RARB: variants seen among roughly 807,000 people sequenced by gnomAD.
RARB encodes retinoic acid receptor beta, also known as HBV-activated protein.
Under a neutral mutation model 51.9 loss-of-function variants are expected in RARB, and 17 were observed. The observed-to-expected ratio is 0.33, with a 90% CI of 0.22 to 0.49. RARB has a LOEUF of 0.49. RARB is among the 20% of genes least tolerant of loss of function. The pLI is 0.99. For synonymous variants in RARB, 215 were observed against 195.4 expected, an observed-to-expected ratio of 1.10 and a Z score of -0.84; for missense variants, 369 against 550.8, an observed-to-expected ratio of 0.67 and a Z score of 3.30.
intron 1 of RARB, among the ~76,000 whole-genome samples, chr3:24,845,848 T>A (rs1194223129): frequency 6.6e-6 from 1 of 152,220 alleles, no homozygotes; most frequent in Non-Finnish European, 1.5e-5. Context: ...TTCCTGTGTC[T>A]CACAAGGTTG....
rs982252919 is a variant in RARB at position 25,182,301 on chromosome 3, A to G, written c.178+7726A>G. Among the ~76,000 whole-genome samples the G allele has an allele frequency of 2.6e-5, 4 of 152,224 alleles. No homozygotes were observed. In the East Asian group the frequency reaches 7.7e-4, roughly 29 times the overall value. The stretch of plus-strand genomic sequence containing the variant: ...GAGAGGAAGGGAGTTAATAAGTGAG[A>G]TGGACAAAGGAGGGCTTGCAACACC... On this transcript the variant is annotated intron_variant, in intron 5 of 11. Transcript: ENST00000383772.
At chr3:25,120,445 TA>T (rs1699764307) in intron 3 of RARB, among the ~76,000 whole-genome samples, 1 of 151,998 alleles carries the variant, frequency 6.6e-6, no homozygotes, top group Non-Finnish European at 1.5e-5. Flanking sequence ...TATCTCTAGT[TA>T]TAAACTTTAA....
intron 5 of RARB, among the ~76,000 whole-genome samples, chr3:25,269,111 T>A (rs1000120192): frequency 3.3e-5 from 5 of 152,190 alleles, no homozygotes; most frequent in African/African-American, 1.2e-4. Context: ...CAAACCAATA[T>A]GGCATGGTAC....
At position 25,596,772 on chromosome 3, in the gene RARB, C is replaced by CTCCT. The variant is rs1701853788; in HGVS notation, c.*157_*160dup. ...GTTTTCATATGTATCAATATATATA[C>CTCCT]TCCTCACTGTGTAACTTACCTAGAA... On this transcript the variant is annotated 3_prime_UTR_variant, in exon 8 of 8. Transcript: ENST00000330688. The CTCCT allele has an allele frequency of 1.8e-6, 1 of 541,862 alleles. No homozygotes were observed. Among genetic ancestry groups the CTCCT allele is most frequent in the Non-Finnish European group, 3.1e-6 (1 of 326,670 alleles). 33.6% of individuals were successfully genotyped at this position (541,862 alleles called of 1,614,324 possible). A position where few individuals can be genotyped will look rare whatever the true frequency, so the allele number is the denominator to read the frequency against.
intron 3 of RARB, among the ~76,000 whole-genome samples, chr3:25,103,578 G>A (rs1180784962): frequency 1.3e-5 from 2 of 152,168 alleles, no homozygotes; most frequent in African/African-American, 2.4e-5. Flanking sequence ...TTGCCCCCAG[G>A]CGACAACAGA....
chr3:25,024,063 TCA>T lies in RARB; in HGVS notation c.-379-36061_-379-36060del, dbSNP rs1303967826. ...CCCTAGGGACTATCAAGCTCTACTCTCAGAGTCTTCCAGTATTAATCAGCCAT... is the reference window on the plus strand; with the variant it reads ...CCCTAGGGACTATCAAGCTCTACTCTGAGTCTTCCAGTATTAATCAGCCAT... On this transcript the variant is annotated intron_variant, in intron 2 of 11. Transcript: ENST00000383772. 6.6e-5 allele frequency among the ~76,000 whole-genome samples: 10 copies of T among 152,318 alleles called. No homozygotes were observed. The East Asian group carries it at 7.7e-4, about 12-fold the overall frequency.
intron 2 of RARB, among the ~76,000 whole-genome samples, chr3:24,974,862 T>C (rs572208359): frequency 4.5e-4 from 68 of 152,268 alleles, no homozygotes; most frequent in Non-Finnish European, 3.5e-4. Context: ...GAAGCTTCAT[T>C]TGCTCTCTAG....
chr3:25,136,783 G>T (rs895508734), intron 4 of RARB, among the ~76,000 whole-genome samples: 1 of 151,942 alleles, frequency 6.6e-6, no homozygotes, highest in African/African-American at 2.4e-5. Flanking sequence ...AAGAGGGAAG[G>T]CCTTAGAAGA....
intron 5 of RARB, among the ~76,000 whole-genome samples, chr3:25,328,559 G>A (rs115613065): frequency 0.016 from 2,414 of 152,156 alleles, 59 homozygotes; most frequent in African/African-American, 0.051. Flanking sequence ...TAAGGGGGAG[G>A]TTCCAAGATG....
At chr3:24,865,644 A>C (rs1702834153) in intron 2 of RARB, among the ~76,000 whole-genome samples, 1 of 152,180 alleles carries the variant, frequency 6.6e-6, no homozygotes, top group Non-Finnish European at 1.5e-5. Flanking sequence ...TAATACGTAC[A>C]AATGTAAACC....
intron 2 of RARB, among the ~76,000 whole-genome samples, chr3:25,010,045 T>G (rs1302109852): frequency 6.6e-6 from 1 of 152,152 alleles, no homozygotes; most frequent in Admixed American, 6.6e-5. Context: ...TTTGACTGAT[T>G]GTTTATTATA....
At chr3:25,369,441 A>C (rs1706232560) in intron 5 of RARB, among the ~76,000 whole-genome samples, 2 of 152,228 alleles carry the variant, frequency 1.3e-5, no homozygotes. Context: ...TCCTCAGAGC[A>C]GCTAGATTCT....
At chr3:25,492,759 T>G (rs907858313) in intron 2 of RARB, among the ~76,000 whole-genome samples, 4 of 152,190 alleles carry the variant, frequency 2.6e-5, no homozygotes, top group Admixed American at 2.6e-4. Context: ...ATTCAGGCTT[T>G]CTTTTCTAAT....
At chr3:25,366,297 G>T (rs973294916) in intron 5 of RARB, among the ~76,000 whole-genome samples, 8 of 152,176 alleles carry the variant, frequency 5.3e-5, no homozygotes, top group African/African-American at 1.7e-4. Flanking sequence ...ACCTACAACT[G>T]ATTATTTCCC....
intron 5 of RARB, among the ~76,000 whole-genome samples, chr3:25,398,505 G>A (rs1053507122): frequency 6.6e-6 from 1 of 152,182 alleles, no homozygotes; most frequent in African/African-American, 2.4e-5. Flanking sequence ...TTGAAATATT[G>A]CTGGCATATA....
intron 2 of RARB, among the ~76,000 whole-genome samples, chr3:25,477,848 A>G (rs1307285807): frequency 6.6e-6 from 1 of 152,156 alleles, no homozygotes; most frequent in African/African-American, 2.4e-5. Context: ...CATAGTGGGG[A>G]TGATTTGTCT....
intron 2 of RARB, among the ~76,000 whole-genome samples, chr3:24,951,352 G>C (rs9842906): frequency 0.094 from 14,323 of 152,190 alleles, 1,666 homozygotes; most frequent in African/African-American, 0.27. Flanking sequence ...AGCATGCAGA[G>C]AGGAGGGAGC....
intron 3 of RARB, among the ~76,000 whole-genome samples, chr3:25,115,750 C>T (rs1156233599): frequency 1.3e-5 from 2 of 151,798 alleles, no homozygotes; most frequent in Non-Finnish European, 1.5e-5. Flanking sequence ...CAGCCTCAAG[C>T]TCCTGGGCTC....
chr3:25,562,015 C>G (rs1700290033), intron 3 of RARB, among the ~76,000 whole-genome samples: 1 of 113,968 alleles, frequency 8.8e-6, no homozygotes, highest in Non-Finnish European at 1.7e-5. Flanking sequence ...AACTTTTTTA[C>G]CCTGCTCAAC....
Sources: allele counts gnomAD v4.1 joint callset (sites outside exome capture counted in the v4.1 genomes callset), GRCh38; gene constraint gnomAD v4.1.1; transcripts MANE v1.5; gene names NCBI Gene and HGNC (gene_info 2026-07-23, HGNC 2026-07-21).